The following MAP2K5 variants were observed in gnomAD, a reference collection of about 807,000 sequenced individuals.
The protein encoded by MAP2K5 is mitogen-activated protein kinase kinase 5.
In MAP2K5, 49 loss-of-function variants were observed where a neutral mutation model predicts 83.1. The ratio of observed to expected loss-of-function variants is 0.59; its 90% CI spans 0.47 to 0.75. The LOEUF is 0.75. Among genes scored for constraint, MAP2K5 ranks in the 30% least tolerant of loss-of-function variants. The probability of loss-of-function intolerance (pLI) is 0.00; values close to 1 mark genes in which losing one functional copy is unlikely to be tolerated. For missense variants in MAP2K5, 457 were observed against 557.5 expected, an observed-to-expected ratio of 0.82 and a Z score of 1.82; for synonymous variants, 202 against 191.8, an observed-to-expected ratio of 1.05 and a Z score of -0.44.
chr15:67,754,524 A>G lies in MAP2K5; in HGVS notation c.1134+5923A>G, dbSNP rs117329505. Among the ~76,000 whole-genome samples the G allele has an allele frequency of 4.5e-4, 68 of 152,334 alleles. 1 individual carries two copies. The East Asian group carries it at 0.012, about 26-fold the overall frequency. ...CCTGTGCTGGATGACTTCATGATCT[A>G]GTGGAAGACAAACTCATGAATTAGA... On this transcript the variant is annotated intron_variant, in intron 19 of 21. Transcript: ENST00000178640.
In MAP2K5 at chr15:67,638,066, T is replaced by C. The variant is rs560055658; in HGVS notation, c.585+7139T>C. Among the ~76,000 whole-genome samples, 6 of 152,228 alleles carry C rather than the reference T, an allele frequency of 3.9e-5. No homozygotes were observed. The highest frequency in any genetic ancestry group is 4.2e-4 in the South Asian group (2 of 4,816). On this transcript the variant is annotated intron_variant, in intron 9 of 21. Transcript: ENST00000178640. The surrounding 1 kb of genome is among the most constrained non-coding windows in gnomAD (Gnocchi z 4.5). ...TAAAAAAGTTAATTTTTTTAACTTT[T>C]AATTTAACTTTTTTAATTTAACTTT...
Position 67,783,270 on chromosome 15 carries a change from A to G in MAP2K5, c.1242+10518A>G, listed in dbSNP as rs760960525. Among the ~76,000 whole-genome samples the G allele has an allele frequency of 4.6e-5, 7 of 152,146 alleles. No individual in the cohort carries two copies. The highest frequency in any genetic ancestry group is 1.0e-4 in the Non-Finnish European group (7 of 68,032). On this transcript the variant is annotated intron_variant, in intron 21 of 21. Transcript: ENST00000178640. The surrounding 1 kb of genome is among the most constrained non-coding windows in gnomAD (Gnocchi z 5.1). ...GAGGGTAGACACAGCCAAGCACAGG[A>G]TAGAATGTGAGAATTGCCAGAGACC...
Position 67,781,319 on chromosome 15 carries a change from G to A in MAP2K5, c.1242+8567G>A, listed in dbSNP as rs944374362. ...AAATATTAGAAAGCTCCTATTTACA[G>A]TTGTGCCAGCTGGATTTGTTTAATG... is the stretch of plus-strand genomic sequence containing the variant. On this transcript the variant is annotated intron_variant, in intron 21 of 21. Coordinates refer to ENST00000178640, the MANE Select transcript of MAP2K5 (RefSeq NM_145160.3). The surrounding 1 kb of genome is among the most constrained non-coding windows in gnomAD (Gnocchi z 4.0). Among the ~76,000 whole-genome samples the A allele has an allele frequency of 6.6e-6, 1 of 152,188 alleles. No individual in the cohort carries two copies. The highest frequency in any genetic ancestry group is 2.4e-5 in the African/African-American group (1 of 41,440).
At chr15:67,558,826 A>C (rs181533461) in intron 2 of MAP2K5, among the ~76,000 whole-genome samples, 1 of 152,018 alleles carries the variant, frequency 6.6e-6, no homozygotes, top group Admixed American at 6.5e-5. Flanking sequence ...GTCTCTTTCC[A>C]CTAGAGTGTA....
In MAP2K5 at chr15:67,769,318, A is replaced by C. The variant is rs535819973; in HGVS notation, c.1135-284A>C. Among the ~76,000 whole-genome samples the C allele has an allele frequency of 9.2e-5, 14 of 152,126 alleles. No homozygotes were observed. The highest frequency in any genetic ancestry group is 2.1e-4 in the South Asian group (1 of 4,824). On this transcript the variant is annotated intron_variant, in intron 19 of 21. Transcript: ENST00000178640. This position sits in a 1 kb window ranked among gnomAD's most constrained non-coding sequence, Gnocchi z 5.2. ...AAATAATCATTAATTTCTCATTTAC[A>C]CTTTCCCTACCTTCTCTCCTACCCT...
At chr15:67,614,911 G>A (rs941025486) in intron 8 of MAP2K5, among the ~76,000 whole-genome samples, 1 of 152,160 alleles carries the variant, frequency 6.6e-6, no homozygotes, top group South Asian at 2.1e-4. Flanking sequence ...TGAGCCCTAT[G>A]TACAATCAGT....
intron 5 of MAP2K5, 28 bp downstream of exon 5, chr15:67,585,958 A>G (rs886914305): frequency 1.9e-6 from 3 of 1,595,582 alleles, no homozygotes; most frequent in Non-Finnish European, 2.6e-6. Context: ...TGTTTCAGTA[A>G]AGTTAGATGG....
chr15:67,568,220 A>C (rs1239668629), intron 3 of MAP2K5, among the ~76,000 whole-genome samples: 1 of 152,172 alleles, frequency 6.6e-6, no homozygotes, highest in East Asian at 1.9e-4. Context: ...TATTTAGTAC[A>C]AGAGTCCTTA....
intron 7 of MAP2K5, among the ~76,000 whole-genome samples, chr15:67,598,532 T>G (rs2085579555): frequency 6.6e-6 from 1 of 152,160 alleles, no homozygotes; most frequent in Admixed American, 6.5e-5. Flanking sequence ...CCTGCACTCC[T>G]TCCCCGCCTG....
chr15:67,658,146 T>C (rs1185163483), intron 11 of MAP2K5, among the ~76,000 whole-genome samples: 2 of 152,142 alleles, frequency 1.3e-5, no homozygotes. Context: ...CCAGCTTTTG[T>C]TGGATTAATG....
chr15:67,622,864 C>A (rs547170719), intron 8 of MAP2K5, among the ~76,000 whole-genome samples: 1 of 152,124 alleles, frequency 6.6e-6, no homozygotes, highest in African/African-American at 2.4e-5. Context: ...TTTGGGAGGT[C>A]GAGGCAGGTG....
chr15:67,712,906 G>A (rs1193799401), intron 16 of MAP2K5, among the ~76,000 whole-genome samples: 7 of 150,778 alleles, frequency 4.6e-5, no homozygotes, highest in Admixed American at 4.0e-4. Context: ...GACAGAGCAG[G>A]CTGTCTCAAA....
chr15:67,629,649 C>T (rs1434179338), intron 8 of MAP2K5, among the ~76,000 whole-genome samples: 1 of 151,368 alleles, frequency 6.6e-6, no homozygotes. Flanking sequence ...ATTCCTGAGG[C>T]ACTGACTTCT....
intron 8 of MAP2K5, 47 bp downstream of exon 8, chr15:67,600,796 C>T (rs1412197638): frequency 7.1e-7 from 1 of 1,414,482 alleles, no homozygotes; most frequent in East Asian, 2.3e-5. Context: ...TTTCCAAATA[C>T]TGAGTATCCA....
chr15:67,613,496 A>G (rs1310147317), intron 8 of MAP2K5, among the ~76,000 whole-genome samples: 4 of 152,188 alleles, frequency 2.6e-5, no homozygotes, highest in African/African-American at 9.6e-5. Flanking sequence ...GCTTGAGCTT[A>G]GTTTTAAACA....
At chr15:67,592,072 T>C (rs2085424874) in intron 6 of MAP2K5, among the ~76,000 whole-genome samples, 1 of 137,126 alleles carries the variant, frequency 7.3e-6, no homozygotes, top group Non-Finnish European at 1.5e-5. Flanking sequence ...GATCGCACCA[T>C]TGTACTTTGC....
Position 67,779,795 on chromosome 15 carries a change from A to G in MAP2K5, c.1242+7043A>G, listed in dbSNP as rs910912658. Among the ~76,000 whole-genome samples the G allele has an allele frequency of 6.6e-6, 1 of 152,180 alleles. No individual in the cohort carries two copies. The highest frequency in any genetic ancestry group is 1.9e-4 in the East Asian group (1 of 5,192). Reference sequence around the variant, plus strand: ...TGTGTAGCATTCATTGAGCACAGGAAGAGTTTGGTTATCTTGGATGCAGTA... The same window carrying G: ...TGTGTAGCATTCATTGAGCACAGGAGGAGTTTGGTTATCTTGGATGCAGTA... On this transcript the variant is annotated intron_variant, in intron 21 of 21. Transcript: ENST00000178640. This position sits in a 1 kb window ranked among gnomAD's most constrained non-coding sequence, Gnocchi z 4.6.
At chr15:67,649,791 A>C (rs1404651029) in intron 11 of MAP2K5, among the ~76,000 whole-genome samples, 2 of 152,178 alleles carry the variant, frequency 1.3e-5, no homozygotes, top group Non-Finnish European at 2.9e-5. Context: ...TAAGTGCTCC[A>C]ACTTTGTTCT....
intron 5 of MAP2K5, among the ~76,000 whole-genome samples, chr15:67,586,556 C>G (rs931268655): frequency 6.6e-6 from 1 of 152,142 alleles, no homozygotes; most frequent in Admixed American, 6.5e-5. Context: ...TTTGAACATA[C>G]TGTTTTTATA....
Sources: allele counts gnomAD v4.1 joint callset (sites outside exome capture counted in the v4.1 genomes callset), GRCh38; gene constraint gnomAD v4.1.1; non-coding constraint Gnocchi (gnomAD v3.1); transcripts MANE v1.5; gene names NCBI Gene and HGNC (gene_info 2026-07-23, HGNC 2026-07-21).